The following ACTA2 variants were observed in gnomAD, a reference collection of about 807,000 sequenced individuals.
ACTA2 encodes the protein actin, aortic smooth muscle.
A neutral mutation model predicts 39.5 loss-of-function variants in ACTA2; 12 were observed. The ratio of observed to expected loss-of-function variants is 0.30; its 90% CI spans 0.19 to 0.49. The LOEUF (loss-of-function observed/expected upper bound fraction) is 0.49, where lower values mean the gene tolerates loss of function less well. ACTA2 is among the 20% of genes least tolerant of loss of function. ACTA2 has a pLI of 0.99. For synonymous variants in ACTA2, 158 were observed against 180.6 expected (o/e 0.88, Z 1.00); for missense variants, 236 against 498.8 (o/e 0.47, Z 5.02).
At chr10:88,939,169 T>A (rs1274917536) in intron 7 of ACTA2, among the ~76,000 whole-genome samples, 2 of 152,114 alleles carry the variant, frequency 1.3e-5, no homozygotes, top group African/African-American at 4.8e-5. Context: ...GCTCTTCTAT[T>A]TTTCTCTCCC....
At chr10:88,958,618 C>T (rs1012956695) in intron 1 of ACTA2, among the ~76,000 whole-genome samples, 1 of 152,122 alleles carries the variant, frequency 6.6e-6, no homozygotes, top group Non-Finnish European at 1.5e-5. Context: ...GAGGTTAAAT[C>T]ATCAAGCAAA....
chr10:88,982,458 C>T (rs1319180753), intron 1 of ACTA2, among the ~76,000 whole-genome samples: 1 of 150,854 alleles, frequency 6.6e-6, no homozygotes, highest in Non-Finnish European at 1.5e-5. Context: ...GAAAGGAAGA[C>T]ATAAATGGCA....
At chr10:88,942,687 T>G (rs994904763) in intron 4 of ACTA2, among the ~76,000 whole-genome samples, 1 of 152,172 alleles carries the variant, frequency 6.6e-6, no homozygotes, top group African/African-American at 2.4e-5. Flanking sequence ...AGACCCTTCC[T>G]ACTCTATTAA....
At chr10:88,948,180 T>G (rs1460872729) in intron 2 of ACTA2, 1 of 158,464 alleles carries the variant, frequency 6.3e-6, no homozygotes, top group Non-Finnish European at 1.4e-5. Flanking sequence ...TTTATTCTCA[T>G]GAATATATCC....
intron 1 of ACTA2, among the ~76,000 whole-genome samples, chr10:88,978,929 T>C (rs1240375632): frequency 1.3e-5 from 2 of 151,610 alleles, no homozygotes; most frequent in Non-Finnish European, 2.9e-5. Context: ...TAGGAACTAA[T>C]ATTCATCAAG....
At chr10:88,964,694 A>T (rs569717517) in intron 1 of ACTA2, among the ~76,000 whole-genome samples, 1 of 152,286 alleles carries the variant, frequency 6.6e-6, no homozygotes, top group East Asian at 1.9e-4. Flanking sequence ...AATAATCCTT[A>T]TGCCAGAGAG....
intron 2 of ACTA2, 72 bp from the exon 3 acceptor site, chr10:88,947,458 A>C: frequency 4.4e-6 from 7 of 1,601,868 alleles, no homozygotes; most frequent in South Asian, 1.1e-5. Flanking sequence ...AAGCCACAAA[A>C]GGTTAAGTCA....
chr10:88,983,766 G>A (rs1950455950), intron 1 of ACTA2, among the ~76,000 whole-genome samples: 1 of 151,794 alleles, frequency 6.6e-6, no homozygotes, highest in African/African-American at 2.4e-5. Flanking sequence ...TATTTGTGTG[G>A]TTTAAATAAA....
chr10:88,987,040 T>C (rs914100527), intron 1 of ACTA2, among the ~76,000 whole-genome samples: 3 of 152,210 alleles, frequency 2.0e-5, no homozygotes, highest in Admixed American at 6.5e-5. Context: ...AAATCTAAGA[T>C]CTCCGTCCTC....
chr10:88,943,881 C>A lies in ACTA2; in HGVS notation c.285G>T (p.Glu95Asp), dbSNP rs748465638. 6.2e-7 allele frequency: 1 copy of A among 1,613,856 alleles called. No homozygotes were observed. Among genetic ancestry groups the A allele is most frequent in the Admixed American group, 1.7e-5 (1 of 59,986 alleles). ...EKIWHHSFYN[E>D]LRVAPEEHPT... Reference sequence around the variant, plus strand: ...GATGCTCTTCAGGGGCAACACGAAGCTCATTGTAGAAAGAGTGGTGCCAGA... The same window carrying A: ...GATGCTCTTCAGGGGCAACACGAAGATCATTGTAGAAAGAGTGGTGCCAGA... The change falls in exon 4 of 9, where the codon GAG becomes GAT. Residue 95 changes from glutamate (E) to aspartate (D), a missense_variant. Transcript: ENST00000224784.
chr10:88,941,082 A>C, intron 6 of ACTA2, 147 bp downstream of exon 6: 1 of 991,714 alleles, frequency 1.0e-6, no homozygotes, highest in Non-Finnish European at 1.6e-6. Flanking sequence ...CACAGCAAAG[A>C]AAGATGTGCT....
At chr10:88,947,070 C>T in intron 3 of ACTA2, 188 bp downstream of exon 3, 1 of 741,726 alleles carries the variant, frequency 1.3e-6, no homozygotes, top group South Asian at 1.9e-5. Flanking sequence ...AGGACATGAA[C>T]TCATCATTTT....
At chr10:88,935,492 C>T in intron 8 of ACTA2, 126 bp from the exon 9 acceptor site, 1 of 1,047,128 alleles carries the variant, frequency 9.5e-7, no homozygotes, top group Non-Finnish European at 1.5e-6. Context: ...ACAGGCTTGT[C>T]TGTTAGATGC....
chr10:88,958,403 A>G (rs770593134), intron 1 of ACTA2, among the ~76,000 whole-genome samples: 22 of 152,232 alleles, frequency 1.4e-4, no homozygotes, highest in Admixed American at 1.4e-3. Context: ...CACAGCAGCC[A>G]TAAGGAATAC....
chr10:88,937,606 C>A (rs1463476816), intron 8 of ACTA2, among the ~76,000 whole-genome samples: 1 of 152,188 alleles, frequency 6.6e-6, no homozygotes, highest in African/African-American at 2.4e-5. Context: ...AATTTGAATT[C>A]TTGGCCACAG....
intron 7 of ACTA2, among the ~76,000 whole-genome samples, chr10:88,938,758 A>C (rs1474068060): frequency 1.3e-5 from 2 of 151,050 alleles, no homozygotes; most frequent in Non-Finnish European, 2.9e-5. Context: ...GGGGGTCTGG[A>C]CTTTTGTTAA....
chr10:88,936,292 G>C (rs1845737214), intron 8 of ACTA2, among the ~76,000 whole-genome samples: 2 of 152,108 alleles, frequency 1.3e-5, no homozygotes, highest in African/African-American at 4.8e-5. Flanking sequence ...GTGGTTTTAT[G>C]TTTTGGTTTG....
chr10:88,945,232 TA>T (rs1378844713), intron 3 of ACTA2, among the ~76,000 whole-genome samples: 2 of 152,258 alleles, frequency 1.3e-5, no homozygotes, highest in East Asian at 3.8e-4. Flanking sequence ...GGAGAAATTC[TA>T]AAAGAATATT....
upstream of ACTA2, among the ~76,000 whole-genome samples, chr10:88,956,277 G>A (rs1044734614): frequency 4.6e-5 from 7 of 152,288 alleles, no homozygotes; most frequent in African/African-American, 1.7e-4. Flanking sequence ...CTAAAATCAA[G>A]GCATTCCTTC....
Sources: gnomAD v4.1 joint callset for allele counts (sites outside exome capture counted in the v4.1 genomes callset) on GRCh38, gnomAD v4.1.1 for gene constraint, MANE v1.5 for transcripts, NCBI Gene and HGNC (gene_info 2026-07-23, HGNC 2026-07-21) for gene names.